The following SCN9A variants were observed in gnomAD, a reference collection of about 807,000 sequenced individuals.
SCN9A encodes sodium channel protein type 9 subunit alpha.
In SCN9A, 131 loss-of-function variants were observed where a neutral mutation model predicts 187.0. The ratio of observed to expected loss-of-function variants is 0.70; its 90% CI spans 0.61 to 0.81. The LOEUF is 0.81. Among genes scored for constraint, SCN9A ranks in the 30% least tolerant of loss-of-function variants. The pLI is 0.00. For synonymous variants in SCN9A, 809 were observed against 808.6 expected (o/e 1.00, Z -0.01); for missense variants, 2,252 against 2,396.6 (o/e 0.94, Z 1.26).
intron 1 of SCN9A, among the ~76,000 whole-genome samples, chr2:166,345,576 A>G (rs139288692): frequency 6.6e-6 from 1 of 152,284 alleles, no homozygotes; most frequent in African/African-American, 2.4e-5. Flanking sequence ...ACTAAGTTCC[A>G]GAAAAACAAT....
intron 20 of SCN9A, among the ~76,000 whole-genome samples, chr2:166,234,930 G>C (rs543495081): frequency 6.6e-6 from 1 of 152,168 alleles, no homozygotes; most frequent in South Asian, 2.1e-4. Context: ...TCATGGGAGT[G>C]AGTTAGATAT....
At chr2:166,316,564 A>G (rs1291769273) in intron 1 of SCN9A, among the ~76,000 whole-genome samples, 1 of 152,140 alleles carries the variant, frequency 6.6e-6, no homozygotes, top group African/African-American at 2.4e-5. Flanking sequence ...GCATGTTGGC[A>G]GGCGCCTATA....
At chr2:166,339,200 C>T (rs762309744) in intron 1 of SCN9A, among the ~76,000 whole-genome samples, 13 of 152,114 alleles carry the variant, frequency 8.5e-5, no homozygotes, top group African/African-American at 1.2e-4. Flanking sequence ...CTAGAAGCCA[C>T]GCTTTGTTGG....
chr2:166,368,494 A>G (rs1356757457), intron 1 of SCN9A, among the ~76,000 whole-genome samples: 2 of 151,958 alleles, frequency 1.3e-5, no homozygotes, highest in South Asian at 2.1e-4. Flanking sequence ...TTAGCCGGGC[A>G]TGGTGGTACA....
chr2:166,214,436 A>C (rs1181677328), intron 24 of SCN9A, among the ~76,000 whole-genome samples: 2 of 151,754 alleles, frequency 1.3e-5, no homozygotes, highest in Non-Finnish European at 2.9e-5. Context: ...CCTAAACAAG[A>C]GGAATAACAT....
At chr2:166,201,479 G>A (rs188857805) in intron 26 of SCN9A, among the ~76,000 whole-genome samples, 1,508 of 113,706 alleles carry the variant, frequency 0.013, 50 homozygotes, top group African/African-American at 0.042. Context: ...TAGAGTATGC[G>A]TATACTATAT....
At chr2:166,337,516 T>G (rs1224930024) in intron 1 of SCN9A, among the ~76,000 whole-genome samples, 1 of 152,114 alleles carries the variant, frequency 6.6e-6, no homozygotes, top group Non-Finnish European at 1.5e-5. Context: ...GGCTAATGGT[T>G]TTTAAGAAAG....
In SCN9A at chr2:166,344,047, T is replaced by C. The variant is rs544323417; in HGVS notation, c.-51+31650A>G. 3.3e-5 allele frequency among the ~76,000 whole-genome samples: 5 copies of C among 152,302 alleles called. No individual in the cohort carries two copies. In the East Asian group the frequency reaches 9.7e-4, roughly 29 times the overall value. ...ATGGAGAATTATCTAAAAGTACATA[T>C]GCCTTTCTATGGAGAAATGCTAAGT... On this transcript the variant is annotated intron_variant, in intron 1 of 26. Coordinates refer to ENST00000642356, the MANE Select transcript of SCN9A (RefSeq NM_001365536.1).
intron 1 of SCN9A, among the ~76,000 whole-genome samples, chr2:166,352,597 A>T (rs1303629347): frequency 6.6e-6 from 1 of 152,244 alleles, no homozygotes; most frequent in Non-Finnish European, 1.5e-5. Flanking sequence ...ATGCACCTTC[A>T]TTAGACTCTT....
intron 21 of SCN9A, among the ~76,000 whole-genome samples, chr2:166,229,203 C>A (rs940921908): frequency 1.3e-5 from 2 of 152,030 alleles, no homozygotes; most frequent in African/African-American, 4.8e-5. Context: ...TTACAAATTA[C>A]ATGATTATCA....
At chr2:166,287,907 A>G (rs1027707297) in intron 10 of SCN9A, among the ~76,000 whole-genome samples, 7 of 150,018 alleles carry the variant, frequency 4.7e-5, no homozygotes, top group African/African-American at 1.7e-4. Context: ...AAACCACTGT[A>G]TACAATTGGT....
intron 5 of SCN9A, among the ~76,000 whole-genome samples, chr2:166,305,369 C>T (rs1049820132): frequency 2.6e-5 from 4 of 151,998 alleles, no homozygotes; most frequent in African/African-American, 7.2e-5. Flanking sequence ...CAAATATATA[C>T]TTTTATATTT....
rs577314216 is a variant in SCN9A, at chr2:166,208,504, T to C, written c.4399-4040A>G. Among the ~76,000 whole-genome samples, 7 of 150,950 alleles carry C rather than the reference T, an allele frequency of 4.6e-5. No homozygotes were observed. The Admixed American group carries it at 4.6e-4, about 10-fold the overall frequency. On this transcript the variant is annotated intron_variant, in intron 24 of 26. Transcript: ENST00000642356. The stretch of plus-strand genomic sequence containing the variant: ...TAATGAAATGAGGTTATTGTTAACA[T>C]TTACTCCATAGTTGCTCAAATTTGT...
chr2:166,345,217 G>A (rs1490575025), intron 1 of SCN9A, among the ~76,000 whole-genome samples: 2 of 151,932 alleles, frequency 1.3e-5, no homozygotes, highest in East Asian at 3.9e-4. Context: ...TTGATTATGT[G>A]GTACTCAATG....
At chr2:166,311,157 T>A (rs1698929581) in intron 2 of SCN9A, among the ~76,000 whole-genome samples, 1 of 117,432 alleles carries the variant, frequency 8.5e-6, no homozygotes, top group African/African-American at 3.7e-5. Context: ...AGATGACCAG[T>A]TAGTGGGTGC....
At chr2:166,276,680 A>G (rs918736908) in intron 16 of SCN9A, 2 of 171,346 alleles carry the variant, frequency 1.2e-5, no homozygotes, top group Admixed American at 6.0e-5. Flanking sequence ...TATTTTATTT[A>G]CTAGTATAGC....
At chr2:166,278,855 G>A (rs1011653527) in intron 14 of SCN9A, among the ~76,000 whole-genome samples, 4 of 152,090 alleles carry the variant, frequency 2.6e-5, no homozygotes, top group Non-Finnish European at 5.9e-5. Context: ...AAAGTGCATT[G>A]CAAAATATCA....
intron 12 of SCN9A, 77 bp downstream of exon 12, chr2:166,284,376 A>G: frequency 6.6e-7 from 1 of 1,508,192 alleles, no homozygotes; most frequent in Admixed American, 2.0e-5. Context: ...AAGACCAGAG[A>G]AGGCCCTTCA....
intron 26 of SCN9A, among the ~76,000 whole-genome samples, 175 bp from the exon 27 acceptor site, chr2:166,200,039 C>T (rs1248106323): frequency 9.3e-6 from 1 of 107,952 alleles, no homozygotes; most frequent in East Asian, 2.8e-4. Context: ...GCTCTGTCGC[C>T]CAGGCTGGAG....
Sources: allele counts gnomAD v4.1 joint callset (sites outside exome capture counted in the v4.1 genomes callset), GRCh38; gene constraint gnomAD v4.1.1; transcripts MANE v1.5; gene names NCBI Gene and HGNC (gene_info 2026-07-23, HGNC 2026-07-21).